The following GNAQ variants were observed in gnomAD, a reference collection of about 807,000 sequenced individuals.
The protein encoded by GNAQ is guanine nucleotide-binding protein G(q) subunit alpha.
GNAQ carries 8 observed loss-of-function variants against 43.9 expected under a neutral mutation model. The ratio of observed to expected loss-of-function variants is 0.18; its 90% confidence interval spans 0.11 to 0.33. GNAQ has a LOEUF of 0.33. Ranked by LOEUF, GNAQ falls within the 10% of genes least tolerant of loss-of-function variation. The pLI, the probability that GNAQ is intolerant of heterozygous loss-of-function variation, is 1.00. For synonymous variants in GNAQ, 155 were observed against 170.7 expected (o/e 0.91, Z 0.71); for missense variants, 158 against 450.8 (o/e 0.35, Z 5.88).
intron 6 of GNAQ, among the ~76,000 whole-genome samples, chr9:77,725,245 A>G (rs1449514482): frequency 6.6e-6 from 1 of 152,202 alleles, no homozygotes; most frequent in East Asian, 1.9e-4. Flanking sequence ...AGAATTCCAC[A>G]GTCTCTATGA....
At chr9:77,977,852 G>A (rs764838234) in intron 1 of GNAQ, among the ~76,000 whole-genome samples, 3 of 152,146 alleles carry the variant, frequency 2.0e-5, no homozygotes, top group Non-Finnish European at 4.4e-5. Flanking sequence ...ATGGGATCAT[G>A]GGTGTAGTTA....
intron 2 of GNAQ, among the ~76,000 whole-genome samples, chr9:77,918,262 G>A (rs1828944128): frequency 1.3e-5 from 2 of 152,308 alleles, no homozygotes; most frequent in East Asian, 3.9e-4. Flanking sequence ...ATATTAGAAA[G>A]TATCTTTATT....
At chr9:77,904,464 C>G (rs1828670781) in intron 2 of GNAQ, among the ~76,000 whole-genome samples, 1 of 151,454 alleles carries the variant, frequency 6.6e-6, no homozygotes, top group African/African-American at 2.4e-5. Context: ...TCCCGAGTAG[C>G]TGGGACTACA....
At chr9:77,806,495 A>G (rs1023951460) in intron 3 of GNAQ, among the ~76,000 whole-genome samples, 1 of 152,238 alleles carries the variant, frequency 6.6e-6, no homozygotes, top group African/African-American at 2.4e-5. Flanking sequence ...TGAAGCAAAG[A>G]GAGCACCGAT....
At chr9:77,796,394 G>A (rs1224558844) in intron 4 of GNAQ, among the ~76,000 whole-genome samples, 7 of 152,066 alleles carry the variant, frequency 4.6e-5, no homozygotes, top group African/African-American at 1.4e-4. Context: ...TGGGGTGGGC[G>A]CTCCTAGAAA....
intron 3 of GNAQ, among the ~76,000 whole-genome samples, chr9:77,804,819 T>C (rs1051685516): frequency 1.3e-5 from 2 of 152,092 alleles, no homozygotes; most frequent in East Asian, 3.9e-4. Context: ...AGAAAATGAT[T>C]CTGGGTAGGT....
intron 1 of GNAQ, among the ~76,000 whole-genome samples, chr9:77,979,449 T>C (rs928511211): frequency 6.6e-6 from 1 of 152,110 alleles, no homozygotes; most frequent in African/African-American, 2.4e-5. Context: ...TTTGTGTCCA[T>C]GTTGTTCTTT....
intron 5 of GNAQ, among the ~76,000 whole-genome samples, chr9:77,780,774 C>T (rs1826383047): frequency 6.6e-6 from 1 of 151,948 alleles, no homozygotes; most frequent in Non-Finnish European, 1.5e-5. Flanking sequence ...CCAGCATTTG[C>T]TATTTTTTGT....
At chr9:77,756,158 T>C (rs903976541) in intron 5 of GNAQ, among the ~76,000 whole-genome samples, 1 of 152,248 alleles carries the variant, frequency 6.6e-6, no homozygotes, top group Non-Finnish European at 1.5e-5. Context: ...ACTGGCTTCC[T>C]TGCTCCTCAG....
chr9:77,825,227 G>T (rs913231637), intron 2 of GNAQ, among the ~76,000 whole-genome samples: 19 of 151,924 alleles, frequency 1.3e-4, no homozygotes, highest in Non-Finnish European at 2.2e-4. Flanking sequence ...ACTTATTATG[G>T]CCAAAAAGAT....
At chr9:77,880,561 TTTTTTTTG>T in intron 2 of GNAQ, among the ~76,000 whole-genome samples, 1 of 149,274 alleles carries the variant, frequency 6.7e-6, no homozygotes, top group Non-Finnish European at 1.5e-5. Flanking sequence ...TTCTGTTTTT[TTTTTTTTG>T]TTTTTTTTGT....
chr9:77,919,160 C>G (rs1028456958), intron 2 of GNAQ, among the ~76,000 whole-genome samples: 1 of 152,150 alleles, frequency 6.6e-6, no homozygotes, highest in African/African-American at 2.4e-5. Context: ...CCTCAGGCTA[C>G]CAGCCCGCCT....
At position 77,724,293 on chromosome 9, in the gene GNAQ, C is replaced by T. The variant is rs368434550; in HGVS notation, c.890-2780G>A. Among the ~76,000 whole-genome samples the T allele has an allele frequency of 3.9e-4, 60 of 152,112 alleles. 1 individual carries two copies. Among genetic ancestry groups the T allele is most frequent in the African/African-American group, 1.3e-3 (54 of 41,486 alleles). Reference sequence around the variant, plus strand: ...GCAACCTCCACCTCCTGGGTTCAAGCGAAATCTCCTGCCTCAGCCTCGTGG... The same window carrying T: ...GCAACCTCCACCTCCTGGGTTCAAGTGAAATCTCCTGCCTCAGCCTCGTGG... On this transcript the variant is annotated intron_variant, in intron 6 of 6. Coordinates refer to ENST00000286548, the MANE Select transcript of GNAQ (RefSeq NM_002072.5).
At position 78,031,392 on chromosome 9, in the gene GNAQ, C is replaced by T. The variant is rs1438831274; in HGVS notation, c.-157G>A. 1.4e-5 allele frequency: 5 copies of T among 351,526 alleles called. No individual in the cohort carries two copies. Among genetic ancestry groups the T allele is most frequent in the African/African-American group, 2.2e-5 (1 of 45,394 alleles). The allele number at this position is 351,526 out of a possible 1,614,324, so 21.8% of individuals were successfully genotyped here. A position where few individuals can be genotyped will look rare whatever the true frequency, so the allele number is the denominator to read the frequency against. ...CGAGCTCCGGGAACCGCCGCGGGGG[C>T]GGCGGCCAGGGCCGGGGCCACCAGG... is the stretch of plus-strand genomic sequence containing the variant. On this transcript the variant is annotated 5_prime_UTR_variant, in exon 1 of 7. Transcript: ENST00000286548.
intron 2 of GNAQ, among the ~76,000 whole-genome samples, chr9:77,913,152 ACTTT>A (rs1193012468): frequency 2.0e-5 from 3 of 152,114 alleles, no homozygotes; most frequent in Non-Finnish European, 4.4e-5. Flanking sequence ...TTATATGCAT[ACTTT>A]CTGACTCAGG....
At chr9:78,028,235 C>T (rs1824006478) in intron 1 of GNAQ, among the ~76,000 whole-genome samples, 1 of 152,026 alleles carries the variant, frequency 6.6e-6, no homozygotes, top group Non-Finnish European at 1.5e-5. Flanking sequence ...TAAAAGACAA[C>T]AAGAAAATAA....
At chr9:77,956,769 A>G (rs1164990350) in intron 1 of GNAQ, among the ~76,000 whole-genome samples, 1 of 152,190 alleles carries the variant, frequency 6.6e-6, no homozygotes, top group Non-Finnish European at 1.5e-5. Context: ...ATATGTACTC[A>G]ACATTGAATG....
In GNAQ at chr9:77,816,865, T is replaced by C. The variant is rs76213918; in HGVS notation, c.322-1095A>G. 6.5e-3 allele frequency among the ~76,000 whole-genome samples: 997 copies of C among 152,334 alleles called. 8 individuals carry two copies. The highest frequency in any genetic ancestry group is 0.022 in the African/African-American group (933 of 41,582). ...GATCCATGTTAGGCCTTTACCTTCC[T>C]TCCTTTCTCTTGTGTGAGAAGGGCC... On this transcript the variant is annotated intron_variant, in intron 2 of 6. Coordinates refer to ENST00000286548, the MANE Select transcript of GNAQ (RefSeq NM_002072.5).
At chr9:77,819,987 G>C (rs1168459602) in intron 2 of GNAQ, among the ~76,000 whole-genome samples, 1 of 149,358 alleles carries the variant, frequency 6.7e-6, no homozygotes, top group Non-Finnish European at 1.5e-5. Flanking sequence ...CCATTAAATG[G>C]AGGTAATCAT....
Sources: gnomAD v4.1 joint callset for allele counts (sites outside exome capture counted in the v4.1 genomes callset) on GRCh38, gnomAD v4.1.1 for gene constraint, MANE v1.5 for transcripts, NCBI Gene and HGNC (gene_info 2026-07-23, HGNC 2026-07-21) for gene names.